Variants in TINAG observed in about 807,000 individuals in gnomAD.
TINAG encodes tubulointerstitial nephritis antigen.
A neutral mutation model predicts 72.7 loss-of-function variants in TINAG; 83 were observed. That is an observed-to-expected ratio of 1.14 (90% CI 0.96 to 1.37). The LOEUF (loss-of-function observed/expected upper bound fraction) is 1.37. Among genes scored for constraint, TINAG ranks in the 40% most tolerant of loss-of-function variants. TINAG has a pLI of 0.00. For synonymous variants in TINAG, 234 were observed against 189.9 expected, an observed-to-expected ratio of 1.23 and a Z score of -1.91; for missense variants, 685 against 576.6, an observed-to-expected ratio of 1.19 and a Z score of -1.93.
intron 4 of TINAG, among the ~76,000 whole-genome samples, chr6:54,334,912 T>TATA (rs1204887301): frequency 6.6e-6 from 1 of 152,236 alleles, no homozygotes; most frequent in Non-Finnish European, 1.5e-5. Context: ...CTTTATGGTT[T>TATA]TGAGTGACCT....
intron 1 of TINAG, among the ~76,000 whole-genome samples, chr6:54,316,229 A>G (rs2150931757): frequency 6.6e-6 from 1 of 152,254 alleles, no homozygotes; most frequent in South Asian, 2.1e-4. Context: ...AGTCCTAGAG[A>G]GCCAAGTCTA....
chr6:54,308,995 C>A, intron 1 of TINAG, 90 bp downstream of exon 1: 2 of 1,121,212 alleles, frequency 1.8e-6, no homozygotes, highest in African/African-American at 1.6e-5. Context: ...TCTTTTTTTC[C>A]TTCTTTCAAT....
chr6:54,355,502 T>A (rs1223925704), intron 9 of TINAG, among the ~76,000 whole-genome samples: 2 of 151,926 alleles, frequency 1.3e-5, no homozygotes, highest in African/African-American at 4.8e-5. Context: ...CAAGCTGTCC[T>A]GTGTGATGCT....
chr6:54,356,025 A>C (rs1763027409), intron 9 of TINAG, among the ~76,000 whole-genome samples: 1 of 152,008 alleles, frequency 6.6e-6, no homozygotes, highest in South Asian at 2.1e-4. Context: ...GGTTTGAAAG[A>C]AACACTTTTC....
chr6:54,347,491 G>C lies in TINAG; in HGVS notation c.873G>C (p.Arg291Ser). The change falls in exon 6 of 11, where the codon AGG (arginine) becomes AGC (serine). Residue 291 changes from arginine to serine, a missense_variant. Physicochemically the swap from Arg to Ser is moderately radical, Grantham distance 110. Transcript: ENST00000259782. ...GATGCAATAGTGGAAGCATCGATAG[G>C]GCTTGGTGGTACCTGAGAAAACGTG... ...RHGCNSGSID[R>S]AWWYLRKRGL... 1 of 1,612,886 alleles carries C rather than the reference G, an allele frequency of 6.2e-7. No homozygotes were observed.
chr6:54,354,758 G>T, intron 9 of TINAG, 122 bp downstream of exon 9: 1 of 1,112,928 alleles, frequency 9.0e-7, no homozygotes, highest in Non-Finnish European at 1.3e-6. Context: ...AATGAAAAAT[G>T]ATCTAAACCT....
At chr6:54,367,148 T>C in intron 9 of TINAG, 1 of 151,724 alleles carries the variant, frequency 6.6e-6, no homozygotes, top group East Asian at 1.9e-4. Context: ...ATGTGACATC[T>C]CTTTTCCCCG....
chr6:54,349,416 C>T (rs898908629), intron 6 of TINAG, among the ~76,000 whole-genome samples: 18 of 151,940 alleles, frequency 1.2e-4, no homozygotes, highest in African/African-American at 3.9e-4. Context: ...ATTAATATTA[C>T]CACAGACTTA....
upstream of TINAG, chr6:54,308,196 T>C: frequency 3.6e-6 from 5 of 1,395,164 alleles, no homozygotes; most frequent in Non-Finnish European, 4.9e-6. Flanking sequence ...CTAAGGAGGC[T>C]TTCGATTTAA....
chr6:54,354,666 T>G, intron 9 of TINAG, 30 bp downstream of exon 9: 1 of 1,597,280 alleles, frequency 6.3e-7, no homozygotes, highest in Non-Finnish European at 8.5e-7. Flanking sequence ...TTCATTTAAT[T>G]CTTTTGGAAA....
At chr6:54,308,979 CTTCT>C (rs1784177941) in intron 1 of TINAG, 74 bp downstream of exon 1, 1 of 1,252,576 alleles carries the variant, frequency 8.0e-7, no homozygotes, top group Non-Finnish European at 1.1e-6. Flanking sequence ...CTCTCTTTTT[CTTCT>C]TTCTTTTTTT....
intron 7 of TINAG, among the ~76,000 whole-genome samples, chr6:54,350,683 G>A (rs896698648): frequency 6.8e-6 from 1 of 147,304 alleles, no homozygotes; most frequent in Non-Finnish European, 1.5e-5. Flanking sequence ...TCAAGGCCCA[G>A]GTAAAAACTT....
intron 10 of TINAG, among the ~76,000 whole-genome samples, chr6:54,383,432 C>T (rs892710678): frequency 6.6e-6 from 1 of 151,840 alleles, no homozygotes; most frequent in Admixed American, 6.6e-5. Context: ...TAGCAGCAAG[C>T]CATAAATTCT....
chr6:54,368,922 T>C (rs1242803031), intron 9 of TINAG, among the ~76,000 whole-genome samples: 1 of 151,816 alleles, frequency 6.6e-6, no homozygotes, highest in Non-Finnish European at 1.5e-5. Context: ...ACATTTTTTA[T>C]TACACATTTG....
intron 10 of TINAG, among the ~76,000 whole-genome samples, chr6:54,385,531 A>C (rs367667120): frequency 2.0e-5 from 3 of 152,144 alleles, no homozygotes; most frequent in Admixed American, 1.3e-4. Flanking sequence ...ATTCAGGCTC[A>C]AAAGACTTCA....
chr6:54,360,841 GTTTTTTTTTTTTTTTTT>G (rs70983415), intron 9 of TINAG, among the ~76,000 whole-genome samples: 19 of 26,242 alleles, frequency 7.2e-4, no homozygotes, highest in Admixed American at 3.6e-3. Context: ...CAGATACTGT[GTTTTTTTTTTTTTTTTT>G]TTTTTTTTTT....
Position 54,351,326 on chromosome 6 carries a change from T to C in TINAG, c.1081-26T>C, listed in dbSNP as rs766395682. 1.3e-5 allele frequency: 20 copies of C among 1,592,776 alleles called. No individual in the cohort carries two copies. The South Asian group carries it at 1.5e-4, about 12-fold the overall frequency. Reference sequence around the variant, plus strand: ...TTAGTATGCTCTGATAACAATGATATTGCTTATTCATATTTTTCCATCCAG... The same window carrying C: ...TTAGTATGCTCTGATAACAATGATACTGCTTATTCATATTTTTCCATCCAG... On this transcript the variant is annotated intron_variant, in intron 7 of 10. Transcript: ENST00000259782.
At chr6:54,340,100 G>A (rs1784962192) in intron 4 of TINAG, among the ~76,000 whole-genome samples, 1 of 151,926 alleles carries the variant, frequency 6.6e-6, no homozygotes, top group Non-Finnish European at 1.5e-5. Flanking sequence ...AGTGTTTATT[G>A]TTGTATTTAA....
chr6:54,336,772 C>A (rs1388260528), intron 4 of TINAG, among the ~76,000 whole-genome samples: 2 of 151,898 alleles, frequency 1.3e-5, no homozygotes, highest in Non-Finnish European at 2.9e-5. Flanking sequence ...TATTTGGAAA[C>A]AATTAAAATA....
Sources: allele counts gnomAD v4.1 joint callset (sites outside exome capture counted in the v4.1 genomes callset), GRCh38; gene constraint gnomAD v4.1.1; transcripts MANE v1.5; gene names NCBI Gene and HGNC (gene_info 2026-07-23, HGNC 2026-07-21).